Variants in CADPS observed in about 807,000 individuals in gnomAD.
CADPS encodes the protein calcium dependent secretion activator, also known as calcium-dependent secretion activator 1.
In CADPS, 57 loss-of-function variants were observed where a neutral mutation model predicts 167.3. The observed-to-expected ratio is 0.34, with a 90% CI of 0.28 to 0.42. CADPS has a LOEUF of 0.42. CADPS is among the 20% of genes least tolerant of loss of function. The probability of loss-of-function intolerance (pLI) is 1.00; values close to 1 mark genes in which losing one functional copy is unlikely to be tolerated. For synonymous variants in CADPS, 676 were observed against 635.3 expected (o/e 1.06, Z -0.96); for missense variants, 1,414 against 1,738.1 (o/e 0.81, Z 3.32).
rs1373980414 is a variant in CADPS at position 62,753,518 on chromosome 3, C to T, written c.811G>A (p.Glu271Lys). 6.2e-7 allele frequency: 1 copy of T among 1,614,096 alleles called. No homozygotes were observed. The highest frequency in any genetic ancestry group is 8.5e-7 in the Non-Finnish European group (1 of 1,180,034). The change falls in exon 3 of 30, where the codon GAG (glutamate) becomes AAG (lysine). Residue 271 changes from glutamate (E) to lysine (K), a missense_variant. Glu to Lys is a moderately conservative substitution (Grantham distance 56). Transcript: ENST00000383710. This position sits in a 1 kb window ranked among gnomAD's most constrained non-coding sequence, Gnocchi z 4.6. ...TTCTGGAACATCTCATAGAGTTGCTCCTTGCTCAGAATCAGCTCGGAGGCT... is the reference window on the plus strand; with the variant it reads ...TTCTGGAACATCTCATAGAGTTGCTTCTTGCTCAGAATCAGCTCGGAGGCT... ...SAASELILSK[E>K]QLYEMFQNIL...
chr3:62,810,273 G>C (rs970972207), intron 1 of CADPS, among the ~76,000 whole-genome samples: 1 of 152,070 alleles, frequency 6.6e-6, no homozygotes, highest in Non-Finnish European at 1.5e-5. Flanking sequence ...TCCTCTAAAA[G>C]GTAAAGACGA....
chr3:62,734,041 T>A (rs2078484566), intron 3 of CADPS, among the ~76,000 whole-genome samples: 2 of 152,254 alleles, frequency 1.3e-5, no homozygotes, highest in South Asian at 4.1e-4. Flanking sequence ...TGTTGGTTGA[T>A]GGACATTTAG....
intron 17 of CADPS, among the ~76,000 whole-genome samples, chr3:62,504,108 A>C (rs1330078111): frequency 2.0e-5 from 3 of 152,198 alleles, no homozygotes. Flanking sequence ...CATCTATTAA[A>C]AGCATGAGAT....
At position 62,586,865 on chromosome 3, in the gene CADPS, G is replaced by T. The variant is rs72624887; in HGVS notation, c.1438-1541C>A. On this transcript the variant is annotated intron_variant, in intron 7 of 29. Transcript: ENST00000383710. Reference sequence around the variant, plus strand: ...TAAAATATACAAAAATCAAAGATGGGCTAAAGATTTAAAAATCTACATTTT... The same window carrying T: ...TAAAATATACAAAAATCAAAGATGGTCTAAAGATTTAAAAATCTACATTTT... Among the ~76,000 whole-genome samples, 1,793 of 152,232 alleles carry T rather than the reference G, an allele frequency of 0.012. 76 individuals are homozygous for T. The East Asian group carries it at 0.16, about 14-fold the overall frequency.
At chr3:62,631,112 AC>A (rs2065196792) in intron 6 of CADPS, among the ~76,000 whole-genome samples, 2 of 69,652 alleles carry the variant, frequency 2.9e-5, no homozygotes, top group Non-Finnish European at 5.3e-5. Flanking sequence ...TGTATAATAC[AC>A]ACACACACAC....
chr3:62,843,492 GGT>G (rs150223612), intron 1 of CADPS, among the ~76,000 whole-genome samples: 85 of 148,840 alleles, frequency 5.7e-4, no homozygotes, highest in Middle Eastern at 7.0e-3. Flanking sequence ...TGGCAGTTGG[GGT>G]GTGTGTGTGT....
In CADPS at chr3:62,470,051, GA is replaced by G. The variant is rs550490287; in HGVS notation, c.3478-3639del. The stretch of plus-strand genomic sequence containing the variant: ...GTTAAGACCATCTGACCTTGGAAAT[GA>G]GATGAAAACACACTAGACCAAGTGA... On this transcript the variant is annotated intron_variant, in intron 24 of 29. Coordinates refer to ENST00000383710, the MANE Select transcript of CADPS (RefSeq NM_003716.4). Among the ~76,000 whole-genome samples, 3 of 152,308 alleles carry G rather than the reference GA, an allele frequency of 2.0e-5. No individual in the cohort carries two copies. The South Asian group carries it at 6.2e-4, about 32-fold the overall frequency.
At chr3:62,730,885 C>T (rs1202902261) in intron 3 of CADPS, among the ~76,000 whole-genome samples, 1 of 152,158 alleles carries the variant, frequency 6.6e-6, no homozygotes, top group African/African-American at 2.4e-5. Context: ...CCATTTGGGC[C>T]CAGGCTTCTG....
chr3:62,547,167 T>C (rs776469647), intron 11 of CADPS, among the ~76,000 whole-genome samples: 11 of 152,166 alleles, frequency 7.2e-5, no homozygotes, highest in Non-Finnish European at 1.6e-4. Context: ...TGGAGCAGTG[T>C]TGAAGCTCTG....
At chr3:62,798,756 A>G (rs982520559) in intron 1 of CADPS, among the ~76,000 whole-genome samples, 3 of 152,108 alleles carry the variant, frequency 2.0e-5, no homozygotes, top group Non-Finnish European at 2.9e-5. Context: ...ATCTTTCCAC[A>G]TAGCTTCTTT....
At chr3:62,720,334 TTTGTTTG>T (rs2075518199) in intron 3 of CADPS, among the ~76,000 whole-genome samples, 5 of 141,644 alleles carry the variant, frequency 3.5e-5, no homozygotes, top group Non-Finnish European at 6.0e-5. Context: ...TGTTTGTTTG[TTTGTTTG>T]TTTTTTTTTG....
chr3:62,438,193 C>T lies in CADPS; in HGVS notation c.3688G>A (p.Ala1230Thr). ...CGGACGAAAGTCACGTAGGCGTCGG[C>T]CACGTCCATCCCGGGTTTCTGTAAA... ...VDVPKPGMDV[A>T]DAYVTFVRHS... The change falls in exon 28 of 30, where the codon GCC becomes ACC. Residue 1230 changes from alanine to threonine, a missense_variant. By Grantham distance (58) the Ala-to-Thr change is moderately conservative (BLOSUM62 0). This residue lies in a region of CADPS where 185 missense variants were observed against 251.5 expected (regional missense o/e 0.74). Transcript: ENST00000383710. The surrounding 1 kb of genome is among the most constrained non-coding windows in gnomAD (Gnocchi z 4.7). The T allele has an allele frequency of 6.2e-7, 1 of 1,613,414 alleles. No homozygotes were observed. Among genetic ancestry groups the T allele is most frequent in the Non-Finnish European group, 8.5e-7 (1 of 1,179,454 alleles).
intron 3 of CADPS, among the ~76,000 whole-genome samples, chr3:62,666,990 T>C (rs1362205161): frequency 6.6e-6 from 1 of 151,732 alleles, no homozygotes; most frequent in African/African-American, 2.4e-5. Context: ...AATGACAAAA[T>C]GTGCTGCATT....
At chr3:62,645,164 A>G (rs2068266431) in intron 6 of CADPS, among the ~76,000 whole-genome samples, 1 of 152,210 alleles carries the variant, frequency 6.6e-6, no homozygotes, top group Admixed American at 6.5e-5. Context: ...ATTCAAAGGA[A>G]TAAGAATGAT....
intron 1 of CADPS, chr3:62,779,313 C>T (rs1467598744): frequency 1.3e-5 from 5 of 393,154 alleles, no homozygotes; most frequent in Middle Eastern, 5.1e-4. Flanking sequence ...CCTTCTTTCC[C>T]GCAGTGGTCA....
At chr3:62,660,353 T>C (rs1579866259) in intron 4 of CADPS, among the ~76,000 whole-genome samples, 2 of 152,176 alleles carry the variant, frequency 1.3e-5, no homozygotes, top group African/African-American at 4.8e-5. Flanking sequence ...TAGGAAACAT[T>C]TTTACAGGAG....
chr3:62,524,282 C>A (rs566490434), intron 13 of CADPS, among the ~76,000 whole-genome samples: 79 of 152,084 alleles, frequency 5.2e-4, no homozygotes, highest in Non-Finnish European at 9.3e-4. Flanking sequence ...TTTGTACAAT[C>A]CTATGTTAAT....
chr3:62,838,520 G>A (rs1453828330), intron 1 of CADPS, among the ~76,000 whole-genome samples: 1 of 152,110 alleles, frequency 6.6e-6, no homozygotes, highest in Middle Eastern at 3.2e-3. Flanking sequence ...AACAGTATGT[G>A]GGTATGTGTG....
chr3:62,750,338 G>A (rs1307621379), intron 3 of CADPS, among the ~76,000 whole-genome samples: 9 of 107,292 alleles, frequency 8.4e-5, no homozygotes, highest in African/African-American at 3.2e-4. Context: ...GTGACAGAGT[G>A]AGACTCTTAA....
Sources: allele counts gnomAD v4.1 joint callset (sites outside exome capture counted in the v4.1 genomes callset), GRCh38; gene constraint gnomAD v4.1.1; regional missense constraint gnomAD v4.1.1; non-coding constraint Gnocchi (gnomAD v3.1); transcripts MANE v1.5; gene names NCBI Gene and HGNC (gene_info 2026-07-23, HGNC 2026-07-21).